Variants in RCC1 observed in about 807,000 individuals in gnomAD.
The protein encoded by RCC1 is regulator of chromosome condensation 1.
In RCC1, 11 loss-of-function variants were observed where a neutral mutation model predicts 44.4. The observed-to-expected ratio is 0.25, with a 90% CI of 0.16 to 0.41. The LOEUF (loss-of-function observed/expected upper bound fraction) is 0.41. RCC1 is among the 10% of genes least tolerant of loss of function. The pLI, the probability that RCC1 is intolerant of heterozygous loss-of-function variation, is 1.00. For synonymous variants in RCC1, 213 were observed against 216.5 expected, an observed-to-expected ratio of 0.98 and a Z score of 0.14; for missense variants, 386 against 547.1, an observed-to-expected ratio of 0.71 and a Z score of 2.94.
chr1:28,506,542 C>G, intron 1 of RCC1: 2 of 237,570 alleles, frequency 8.4e-6, no homozygotes, highest in South Asian at 4.2e-5. Context: ...GGTCCCAACT[C>G]TAAAGTACGC....
intron 4 of RCC1, among the ~76,000 whole-genome samples, chr1:28,529,598 A>G (rs954392572): frequency 2.0e-5 from 3 of 152,190 alleles, no homozygotes; most frequent in Non-Finnish European, 4.4e-5. Flanking sequence ...TCATGAATAT[A>G]CCACATATTT....
chr1:28,538,206 A>C lies in RCC1; in HGVS notation c.*199A>C. Reference sequence around the variant, plus strand: ...GAATTTTCCTGGGACCTACAGAATAAAGGGGGGGATGGACAGGGGGTTTTC... The same window carrying C: ...GAATTTTCCTGGGACCTACAGAATACAGGGGGGGATGGACAGGGGGTTTTC... On this transcript the variant is annotated 3_prime_UTR_variant, in exon 13 of 13. Coordinates refer to ENST00000683442, the MANE Select transcript of RCC1 (RefSeq NM_001381865.2). 7.3e-4 allele frequency: 254 copies of C among 349,732 alleles called. No individual in the cohort carries two copies. The highest frequency in any genetic ancestry group is 2.1e-3 in the East Asian group (32 of 15,416). 21.7% of individuals were successfully genotyped at this position (349,732 alleles called of 1,614,324 possible).
At chr1:28,513,542 T>G (rs1457352242) in intron 3 of RCC1, among the ~76,000 whole-genome samples, 1 of 151,894 alleles carries the variant, frequency 6.6e-6, no homozygotes, top group African/African-American at 2.4e-5. Context: ...GGTTTTTCAG[T>G]ATGACAGTCT....
chr1:28,522,365 T>C (rs1025660293), intron 4 of RCC1, among the ~76,000 whole-genome samples: 8 of 151,894 alleles, frequency 5.3e-5, no homozygotes, highest in Admixed American at 2.0e-4. Flanking sequence ...ATGTGATAGA[T>C]AGGAAATGAA....
At chr1:28,530,590 C>T (rs1282603521) in intron 5 of RCC1, 2 of 1,605,034 alleles carry the variant, frequency 1.2e-6, no homozygotes, top group Non-Finnish European at 1.7e-6. Flanking sequence ...GCGGGCCGAG[C>T]CCTCCTGACC....
chr1:28,523,623 C>T (rs1663442746), intron 4 of RCC1, among the ~76,000 whole-genome samples: 2 of 152,308 alleles, frequency 1.3e-5, no homozygotes, highest in East Asian at 1.9e-4. Flanking sequence ...CCGGGCTGTG[C>T]TCATGGCAGC....
At chr1:28,535,230 C>T in intron 8 of RCC1, 28 bp from the exon 9 acceptor site, 1 of 1,614,172 alleles carries the variant, frequency 6.2e-7, no homozygotes, top group Non-Finnish European at 8.5e-7. Flanking sequence ...ACAGTTGTGG[C>T]CTGCATCCCT....
In RCC1 at chr1:28,537,825, C is replaced by A; in HGVS notation, c.1091-7C>A. Reference sequence around the variant, plus strand: ...GAGACAGCTGTACCCATTTCTCTCTCTTGCAGGTCGTGTTTTCGCCTGGGG... The same window carrying A: ...GAGACAGCTGTACCCATTTCTCTCTATTGCAGGTCGTGTTTTCGCCTGGGG... On this transcript the variant is annotated splice_region_variant and splice_polypyrimidine_tract_variant and intron_variant, in intron 12 of 12. Coordinates refer to ENST00000683442, the MANE Select transcript of RCC1 (RefSeq NM_001381865.2). 1.2e-6 allele frequency: 2 copies of A among 1,610,022 alleles called. No homozygotes were observed. Among genetic ancestry groups the A allele is most frequent in the Non-Finnish European group, 1.7e-6 (2 of 1,178,586 alleles).
In RCC1 at chr1:28,516,715, TTACATGAAGC is replaced by T. The variant is rs941054870; in HGVS notation, c.-152-1_-144del. 8 of 376,880 alleles carry T rather than the reference TTACATGAAGC, an allele frequency of 2.1e-5. No individual in the cohort carries two copies. Among genetic ancestry groups the T allele is most frequent in the African/African-American group, 1.7e-4 (8 of 46,558 alleles). The allele number at this position is 376,880 out of a possible 1,614,324, so 23.3% of individuals were successfully genotyped here. ...TAATAATAATAATCACTTATTATTA[TTACATGAAGC>T]TACATGAATGTGTAAGATCTTGGAG... On this transcript the variant is annotated splice_acceptor_variant and splice_polypyrimidine_tract_variant and 5_prime_UTR_variant and intron_variant, in exon 4 of 13. Transcript: ENST00000683442. LOFTEE classifies it low-confidence loss of function (5UTR_SPLICE).
intron 4 of RCC1, among the ~76,000 whole-genome samples, chr1:28,528,057 C>T (rs968209956): frequency 3.3e-5 from 5 of 151,234 alleles, no homozygotes; most frequent in East Asian, 3.9e-4. Flanking sequence ...CAGTGGCTCA[C>T]GCCTGTAATC....
In RCC1 at chr1:28,532,215, C is replaced by A. The variant is rs751891286; in HGVS notation, c.306C>A (p.Asp102Glu). 17 of 1,613,668 alleles carry A rather than the reference C, an allele frequency of 1.1e-5. No homozygotes were observed. Among genetic ancestry groups the A allele is most frequent in the African/African-American group, 1.3e-5 (1 of 74,898 alleles). Residue 102 changes from aspartate to glutamate, a missense_variant, in exon 7 of 13, where the codon GAC becomes GAA. Asp to Glu is a conservative substitution (Grantham distance 45). Transcript: ENST00000683442. Reference protein sequence around the residue: ...GCNDEGALGRDTSVEGSEMVP... With the variant: ...GCNDEGALGRETSVEGSEMVP... Reference sequence around the variant, plus strand: ...ATGATGAGGGTGCCCTGGGAAGGGACACATCAGTGGAGGGCTCGGAGATGG... The same window carrying A: ...ATGATGAGGGTGCCCTGGGAAGGGAAACATCAGTGGAGGGCTCGGAGATGG...
chr1:28,536,290 A>G lies in RCC1; in HGVS notation c.846A>G (p.Ile282Met). ...CTCCGGGCACAGAATCTTGCTTCAT[A>G]CCCCAGAACCTAACATCCTTCAAGA... ...LGTPGTESCFIPQNLTSFKNS... is the reference protein window; with the variant it reads ...LGTPGTESCFMPQNLTSFKNS... The change falls in exon 11 of 13, where the codon ATA (isoleucine) becomes ATG (methionine). Residue 282 changes from isoleucine to methionine, a missense_variant. Transcript: ENST00000683442. This position sits in a 1 kb window ranked among gnomAD's most constrained non-coding sequence, Gnocchi z 4.9. 1 of 1,613,954 alleles carries G rather than the reference A, an allele frequency of 6.2e-7. No homozygotes were observed. Among genetic ancestry groups the G allele is most frequent in the Non-Finnish European group, 8.5e-7 (1 of 1,179,964 alleles).
chr1:28,508,492 G>A (rs998734413), intron 2 of RCC1: 3 of 465,150 alleles, frequency 6.4e-6, no homozygotes. Context: ...ACTAGCCCTT[G>A]AAAATACTGT....
At chr1:28,511,882 TCG>T (rs1300687974) in intron 3 of RCC1, among the ~76,000 whole-genome samples, 2 of 151,874 alleles carry the variant, frequency 1.3e-5, no homozygotes, top group East Asian at 3.9e-4. Flanking sequence ...CAGGCTGGTC[TCG>T]AACTCCTGAC....
rs187220836 is a variant in RCC1 at position 28,506,044 on chromosome 1, C to G, written c.-302C>G. 2.6e-4 allele frequency: 119 copies of G among 454,780 alleles called. 1 individual carries two copies. Among genetic ancestry groups the G allele is most frequent in the South Asian group, 1.6e-3 (103 of 64,560 alleles). 28.2% of individuals were successfully genotyped at this position (454,780 alleles called of 1,614,324 possible). On this transcript the variant is annotated 5_prime_UTR_variant, in exon 1 of 13. Transcript: ENST00000683442. ...AAGGATGCTTCGCGTTTTCTCTCTC[C>G]TTTTTGGAGACAGATTCGCAGTGGT... is the stretch of plus-strand genomic sequence containing the variant.
At chr1:28,524,046 C>T (rs987857326) in intron 4 of RCC1, among the ~76,000 whole-genome samples, 1 of 152,200 alleles carries the variant, frequency 6.6e-6, no homozygotes, top group Non-Finnish European at 1.5e-5. Flanking sequence ...AACTCCTGAC[C>T]TCAGGTGATC....
At chr1:28,530,551 T>G in intron 5 of RCC1, 1 of 1,606,150 alleles carries the variant, frequency 6.2e-7, no homozygotes, top group Non-Finnish European at 8.5e-7. Context: ...CCCGCCGCGT[T>G]CCTGGCGCCC....
In RCC1 at chr1:28,516,784, T is replaced by C; in HGVS notation, c.-93T>C. The C allele has an allele frequency of 2.2e-6, 1 of 455,902 alleles. No individual in the cohort carries two copies. Among genetic ancestry groups the C allele is most frequent in the Non-Finnish European group, 4.4e-6 (1 of 226,726 alleles). 28.2% of individuals were successfully genotyped at this position (455,902 alleles called of 1,614,324 possible). Reference sequence around the variant, plus strand: ...CAGAGAGAGAGAGAGAGATCAGAGATCCCAGGGTTAAAAGTTGGAGAAATT... The same window carrying C: ...CAGAGAGAGAGAGAGAGATCAGAGACCCCAGGGTTAAAAGTTGGAGAAATT... On this transcript the variant is annotated 5_prime_UTR_variant, in exon 4 of 13. Transcript: ENST00000683442.
chr1:28,509,604 GT>G (rs1255553756), intron 3 of RCC1: 4 of 152,174 alleles, frequency 2.6e-5, no homozygotes, highest in Non-Finnish European at 5.9e-5. Context: ...CTATGTTAAT[GT>G]ATTTATGAAT....
Sources: gnomAD v4.1 joint callset for allele counts (sites outside exome capture counted in the v4.1 genomes callset) on GRCh38, gnomAD v4.1.1 for gene constraint, Gnocchi (gnomAD v3.1) non-coding constraint, MANE v1.5 for transcripts, NCBI Gene and HGNC (gene_info 2026-07-23, HGNC 2026-07-21) for gene names.